Variants in CATSPERB observed in about 807,000 individuals in gnomAD.
The protein encoded by CATSPERB is cation channel sperm-associated auxiliary subunit beta.
Under a neutral mutation model 128.3 loss-of-function variants are expected in CATSPERB, and 93 were observed. That is an observed-to-expected ratio of 0.72 (90% CI 0.61 to 0.86). The LOEUF (loss-of-function observed/expected upper bound fraction) is 0.86. CATSPERB is among the 40% of genes least tolerant of loss of function. CATSPERB has a pLI of 0.00. For missense variants in CATSPERB, 1,153 were observed against 1,329.5 expected (o/e 0.87, Z 2.06); for synonymous variants, 381 against 448.8 (o/e 0.85, Z 1.91).
intron 6 of CATSPERB, among the ~76,000 whole-genome samples, chr14:91,705,243 G>T (rs1895715328): frequency 6.6e-6 from 1 of 151,984 alleles, no homozygotes; most frequent in East Asian, 1.9e-4. Context: ...AAATGGAATT[G>T]CTGGATCACA....
In CATSPERB at chr14:91,610,546, TG is replaced by T. The variant is rs1893806244; in HGVS notation, c.2531del (p.Pro844HisfsTer24). On this transcript the variant is annotated frameshift_variant, in exon 21 of 27. Transcript: ENST00000256343. LOFTEE classifies it high-confidence loss of function. The stretch of plus-strand genomic sequence containing the variant: ...GAACTCCACTAATCCAGTCTTCAAA[TG>T]GGATAAATTTGCTAGGAATGTGATG... ...SMHHIPSKFI[P>X]FEDWISGVHK... 2.5e-6 allele frequency: 4 copies of T among 1,613,958 alleles called. No individual in the cohort carries two copies. The highest frequency in any genetic ancestry group is 2.7e-5 in the African/African-American group (2 of 74,916).
At chr14:91,688,377 A>T (rs1301837398) in intron 10 of CATSPERB, among the ~76,000 whole-genome samples, 1 of 152,028 alleles carries the variant, frequency 6.6e-6, no homozygotes, top group Non-Finnish European at 1.5e-5. Context: ...TTCCCCCTTA[A>T]CCTTAAAACT....
chr14:91,686,825 G>A (rs1374635852), intron 10 of CATSPERB, among the ~76,000 whole-genome samples: 1 of 152,102 alleles, frequency 6.6e-6, no homozygotes, highest in Non-Finnish European at 1.5e-5. Context: ...AGCATTGTTT[G>A]TAATAGCAAA....
intron 26 of CATSPERB, among the ~76,000 whole-genome samples, chr14:91,584,828 C>G (rs562735022): frequency 6.6e-6 from 1 of 152,116 alleles, no homozygotes; most frequent in East Asian, 1.9e-4. Flanking sequence ...TTTCTCTGAC[C>G]ACTTTTAATA....
intron 22 of CATSPERB, among the ~76,000 whole-genome samples, chr14:91,607,330 T>C (rs1893729526): frequency 6.6e-6 from 1 of 151,394 alleles, no homozygotes; most frequent in Non-Finnish European, 1.5e-5. Context: ...ACAGTGGAGA[T>C]GGGGGTTATG....
Position 91,695,582 on chromosome 14 carries a change from T to C in CATSPERB, c.617-2103A>G, listed in dbSNP as rs146402770. 4.1e-3 allele frequency among the ~76,000 whole-genome samples: 628 copies of C among 152,344 alleles called. 6 individuals are homozygous for C. The highest frequency in any genetic ancestry group is 0.015 in the African/African-American group (612 of 41,586). The stretch of plus-strand genomic sequence containing the variant: ...TACAGACTAAAATTAAGTTACAGGC[T>C]ACTCTCTGTGACAAACTATCCCAGG... On this transcript the variant is annotated intron_variant, in intron 7 of 26. Coordinates refer to ENST00000256343, the MANE Select transcript of CATSPERB (RefSeq NM_024764.4).
At chr14:91,606,724 C>G (rs1459009794) in intron 22 of CATSPERB, among the ~76,000 whole-genome samples, 1 of 152,172 alleles carries the variant, frequency 6.6e-6, no homozygotes, top group African/African-American at 2.4e-5. Flanking sequence ...AGCTACCATG[C>G]TTATCTTGTG....
At position 91,668,366 on chromosome 14, in the gene CATSPERB, C is replaced by T. The variant is rs146161361; in HGVS notation, c.1287+1448G>A. 1.5e-3 allele frequency among the ~76,000 whole-genome samples: 225 copies of T among 152,216 alleles called. 1 individual carries two copies. Among genetic ancestry groups the T allele is most frequent in the Middle Eastern group, 6.8e-3 (2 of 294 alleles). The stretch of plus-strand genomic sequence containing the variant: ...CTGTGTCTAGCTAAAGGTTTGTAAA[C>T]GCACCAATCAGCACTCTGTGTCTAG... On this transcript the variant is annotated intron_variant, in intron 14 of 26. Coordinates refer to ENST00000256343, the MANE Select transcript of CATSPERB (RefSeq NM_024764.4).
intron 7 of CATSPERB, among the ~76,000 whole-genome samples, chr14:91,703,689 C>G (rs534891122): frequency 1.3e-5 from 2 of 152,148 alleles, no homozygotes; most frequent in Non-Finnish European, 2.9e-5. Context: ...AGGGGTGTGG[C>G]GTGTCACAAC....
At position 91,589,666 on chromosome 14, in the gene CATSPERB, G is replaced by C; in HGVS notation, c.2824C>G (p.Pro942Ala). The part of the protein sequence containing the change: ...VAFSDCREKV[P>A]RFKFPITQYP... ...TGTGTAATTGGAAACTTAAAGCGAG[G>C]AACCTAAAATACAAATTCCAAGAAT... is the stretch of plus-strand genomic sequence containing the variant. The change falls in exon 24 of 27, where the codon CCT (proline) becomes GCT (alanine). Residue 942 changes from proline to alanine, a missense_variant. Coordinates refer to ENST00000256343, the MANE Select transcript of CATSPERB (RefSeq NM_024764.4). The C allele has an allele frequency of 6.2e-7, 1 of 1,611,914 alleles. No homozygotes were observed.
chr14:91,653,805 C>T (rs1894746205), intron 15 of CATSPERB, among the ~76,000 whole-genome samples: 8 of 152,062 alleles, frequency 5.3e-5, no homozygotes, highest in Admixed American at 5.2e-4. Flanking sequence ...AAGAAGGTGA[C>T]AGTGGATGAG....
At chr14:91,674,506 T>C (rs1895156280) in intron 11 of CATSPERB, among the ~76,000 whole-genome samples, 1 of 152,242 alleles carries the variant, frequency 6.6e-6, no homozygotes, top group Admixed American at 6.5e-5. Flanking sequence ...CTTGTCTTTA[T>C]ATTTTGTTCT....
intron 15 of CATSPERB, among the ~76,000 whole-genome samples, chr14:91,649,713 T>C (rs1242030016): frequency 3.3e-5 from 4 of 119,740 alleles, no homozygotes; most frequent in African/African-American, 1.3e-4. Flanking sequence ...AATTCCTAAC[T>C]CCATGTAAAG....
In CATSPERB at chr14:91,580,928, A is replaced by C. The variant is rs1482640722; in HGVS notation, c.3312T>G (p.Ser1104=). The C allele has an allele frequency of 6.2e-7, 1 of 1,614,206 alleles. No individual in the cohort carries two copies. The highest frequency in any genetic ancestry group is 1.3e-5 in the African/African-American group (1 of 75,062). The change falls in exon 27 of 27, where the codon TCT becomes TCG. Residue 1104 remains serine, a synonymous_variant. Coordinates refer to ENST00000256343, the MANE Select transcript of CATSPERB (RefSeq NM_024764.4). The part of the protein sequence containing the change: ...RRNQEKFSSI[S]LSELIHRSKS... ...TTGATCTATGAATCAGCTCACTGAG[A>C]GAGATACTTGAAAACTTCTCTTGGT...
intron 18 of CATSPERB, among the ~76,000 whole-genome samples, chr14:91,623,831 T>A (rs1250348840): frequency 6.6e-6 from 1 of 152,232 alleles, no homozygotes; most frequent in Admixed American, 6.5e-5. Context: ...TAAACTGTAC[T>A]AACTTTTGCT....
At chr14:91,705,938 GT>G (rs956060559) in intron 6 of CATSPERB, among the ~76,000 whole-genome samples, 15 of 151,858 alleles carry the variant, frequency 9.9e-5, no homozygotes, top group East Asian at 1.9e-4. Context: ...AAAAGGGAGG[GT>G]TTTTTTTCTT....
rs1893809047 is a variant in CATSPERB at position 91,610,644 on chromosome 14, C to G, written c.2434G>C (p.Ala812Pro). ...STSLAFIMWS[A>P]STECFVTTMV... ...GTCGTAACAAAGCACTCAGTAGAGG[C>G]TGACCACATAATAAATGCCAGTGAA... is the stretch of plus-strand genomic sequence containing the variant. The change falls in exon 21 of 27, where the codon GCC (alanine) becomes CCC (proline). Residue 812 changes from alanine (A) to proline (P), a missense_variant. Transcript: ENST00000256343. The G allele has an allele frequency of 6.2e-7, 1 of 1,613,968 alleles. No homozygotes were observed. Among genetic ancestry groups the G allele is most frequent in the African/African-American group, 1.3e-5 (1 of 74,918 alleles).
At chr14:91,620,945 A>G (rs1894031224) in intron 19 of CATSPERB, among the ~76,000 whole-genome samples, 1 of 152,214 alleles carries the variant, frequency 6.6e-6, no homozygotes, top group Non-Finnish European at 1.5e-5. Context: ...AATAAATATA[A>G]CAATACCAAA....
intron 18 of CATSPERB, among the ~76,000 whole-genome samples, chr14:91,624,132 G>C (rs1289431500): frequency 6.6e-6 from 1 of 152,190 alleles, no homozygotes; most frequent in Non-Finnish European, 1.5e-5. Context: ...CGGATCACTC[G>C]AGGTCAGGAG....
Sources: gnomAD v4.1 joint callset for allele counts (sites outside exome capture counted in the v4.1 genomes callset) on GRCh38, gnomAD v4.1.1 for gene constraint, MANE v1.5 for transcripts, NCBI Gene and HGNC (gene_info 2026-07-23, HGNC 2026-07-21) for gene names.